The following PCDHGA3 variants were observed in gnomAD, a reference collection of about 807,000 sequenced individuals.
PCDHGA3 encodes protocadherin gamma subfamily A, 3.
A neutral mutation model predicts 58.5 loss-of-function variants in PCDHGA3; 40 were observed. The observed-to-expected ratio is 0.68, with a 90% CI of 0.53 to 0.89. PCDHGA3 has a LOEUF of 0.89. Among genes scored for constraint, PCDHGA3 ranks in the 40% least tolerant of loss-of-function variants. PCDHGA3 has a pLI of 0.00. For synonymous variants in PCDHGA3, 530 were observed against 525.7 expected, an observed-to-expected ratio of 1.01 and a Z score of -0.11; for missense variants, 1,223 against 1,195.9, an observed-to-expected ratio of 1.02 and a Z score of -0.33.
chr5:141,398,448 G>A lies in PCDHGA3; in HGVS notation c.2424+51991G>A, dbSNP rs1213915296. On this transcript the variant is annotated intron_variant, in intron 1 of 3. Coordinates refer to ENST00000253812, the MANE Select transcript of PCDHGA3 (RefSeq NM_018916.4). ...AGCCAGCTTGTGCTCTGGAATTTGAGGCTGTTGCTGAAAATCCACTGAACT... is the reference window on the plus strand; with the variant it reads ...AGCCAGCTTGTGCTCTGGAATTTGAAGCTGTTGCTGAAAATCCACTGAACT... 2.5e-6 allele frequency: 4 copies of A among 1,574,288 alleles called. No individual in the cohort carries two copies. In the Middle Eastern group the frequency reaches 5.2e-4, roughly 203 times the overall value.
intron 1 of PCDHGA3, chr5:141,361,144 A>G: frequency 6.2e-7 from 1 of 1,613,986 alleles, no homozygotes; most frequent in South Asian, 1.1e-5. Flanking sequence ...CCAAGTTGAA[A>G]TTCTTGATGA....
chr5:141,419,334 T>C (rs1260087339), intron 1 of PCDHGA3: 3 of 1,613,870 alleles, frequency 1.9e-6, no homozygotes, highest in Non-Finnish European at 8.5e-7. Flanking sequence ...TACTCTCTCA[T>C]TGCCAGCGAC....
intron 1 of PCDHGA3, among the ~76,000 whole-genome samples, chr5:141,348,225 G>A (rs6877775): frequency 0.14 from 21,501 of 152,124 alleles, 2,088 homozygotes; most frequent in African/African-American, 0.28. Context: ...ATTAGGAAAA[G>A]GCACATTTAA....
chr5:141,433,354 T>TCTGC, intron 1 of PCDHGA3: 2 of 602,322 alleles, frequency 3.3e-6, no homozygotes, highest in South Asian at 2.1e-5. Context: ...CCACCTACTG[T>TCTGC]CTGCCTATCT....
In PCDHGA3 at chr5:141,491,961, G is replaced by A. The variant is rs891299192; in HGVS notation, c.2425-2846G>A. 3 of 970,010 alleles carry A rather than the reference G, an allele frequency of 3.1e-6. No individual in the cohort carries two copies. The highest frequency in any genetic ancestry group is 4.3e-6 in the Non-Finnish European group (3 of 693,098). 60.1% of individuals were successfully genotyped at this position (970,010 alleles called of 1,614,324 possible). On this transcript the variant is annotated intron_variant, in intron 1 of 3. Transcript: ENST00000253812. This position sits in a 1 kb window ranked among gnomAD's most constrained non-coding sequence, Gnocchi z 6.9. ...GACCCCCACCCCTACACTCAAAAAAGGCCGGGGCCTCCTTCGAGCTTCCGG... is the reference window on the plus strand; with the variant it reads ...GACCCCCACCCCTACACTCAAAAAAAGCCGGGGCCTCCTTCGAGCTTCCGG...
At position 141,477,386 on chromosome 5, in the gene PCDHGA3, A is replaced by C; in HGVS notation, c.2425-17421A>C. 1 of 1,614,116 alleles carries C rather than the reference A, an allele frequency of 6.2e-7. No homozygotes were observed. Among genetic ancestry groups the C allele is most frequent in the South Asian group, 1.1e-5 (1 of 91,080 alleles). On this transcript the variant is annotated intron_variant, in intron 1 of 3. Coordinates refer to ENST00000253812, the MANE Select transcript of PCDHGA3 (RefSeq NM_018916.4). The surrounding 1 kb of genome is among the most constrained non-coding windows in gnomAD (Gnocchi z 4.9). ...GGATCGGGAGACTGTGCCAGAATAC[A>C]ACCTCAGCATCACCGCCCGAGACGC...
chr5:141,422,922 C>T (rs1244444241), intron 1 of PCDHGA3: 1 of 1,614,130 alleles, frequency 6.2e-7, no homozygotes, highest in Non-Finnish European at 8.5e-7. Flanking sequence ...AGATCCTGTA[C>T]CCTGCCCTCC....
In PCDHGA3 at chr5:141,362,588, G is replaced by T. The variant is rs79703171; in HGVS notation, c.2424+16131G>T. The T allele has an allele frequency of 1.7e-3, 2,783 of 1,592,322 alleles. 42 individuals carry two copies. In the African/African-American group the frequency reaches 0.031, roughly 18 times the overall value. On this transcript the variant is annotated intron_variant, in intron 1 of 3. Coordinates refer to ENST00000253812, the MANE Select transcript of PCDHGA3 (RefSeq NM_018916.4). ...TTTAATTAATTTATTTTCACTTCTG[G>T]TTTTATTGTTTCACCTAATTTGGGT...
chr5:141,347,570 T>A (rs1331675063), intron 1 of PCDHGA3, among the ~76,000 whole-genome samples: 1 of 152,094 alleles, frequency 6.6e-6, no homozygotes, highest in Non-Finnish European at 1.5e-5. Context: ...GTGGATCACT[T>A]GAAGTCAGGA....
intron 1 of PCDHGA3, chr5:141,421,770 G>A: frequency 6.2e-7 from 1 of 1,613,856 alleles, no homozygotes; most frequent in Non-Finnish European, 8.5e-7. Context: ...ACTTTTCCTT[G>A]CAACTGCGGG....
intron 1 of PCDHGA3, among the ~76,000 whole-genome samples, chr5:141,473,873 C>CA (rs1471085914): frequency 2.6e-5 from 4 of 152,130 alleles, no homozygotes; most frequent in African/African-American, 7.2e-5. Flanking sequence ...GTGGAGAATG[C>CA]ATACACAAGG....
intron 1 of PCDHGA3, chr5:141,383,890 G>T: frequency 1.2e-6 from 2 of 1,613,936 alleles, no homozygotes; most frequent in East Asian, 2.2e-5. Context: ...TCTGACAAAG[G>T]CAAAAGTACT....
In PCDHGA3 at chr5:141,512,267, G is replaced by C. The variant is rs2099884152; in HGVS notation, c.*1094G>C. On this transcript the variant is annotated 3_prime_UTR_variant, in exon 4 of 4. Coordinates refer to ENST00000253812, the MANE Select transcript of PCDHGA3 (RefSeq NM_018916.4). ...GCCTCTGTGGGTGCTGGGTACTCCA[G>C]AGGTGCCACTGGTGGAAGGGTCAGC... 2.6e-5 allele frequency: 4 copies of C among 152,744 alleles called. No homozygotes were observed. Among genetic ancestry groups the C allele is most frequent in the Admixed American group, 2.6e-4 (4 of 15,290 alleles). 9.5% of individuals were successfully genotyped at this position (152,744 alleles called of 1,614,324 possible). A position where few individuals can be genotyped will look rare whatever the true frequency, so the allele number is the denominator to read the frequency against.
At chr5:141,404,231 A>G (rs1403622769) in intron 1 of PCDHGA3, 1 of 1,613,928 alleles carries the variant, frequency 6.2e-7, no homozygotes, top group Non-Finnish European at 8.5e-7. Context: ...TGCAACAGAC[A>G]GAGGAACTCC....
chr5:141,359,582 T>A (rs936451476), intron 1 of PCDHGA3, among the ~76,000 whole-genome samples: 2 of 151,660 alleles, frequency 1.3e-5, no homozygotes, highest in African/African-American at 4.9e-5. Context: ...CTTTAAGATA[T>A]AACAACTAAA....
At position 141,486,837 on chromosome 5, in the gene PCDHGA3, T is replaced by G; in HGVS notation, c.2425-7970T>G. The G allele has an allele frequency of 6.2e-7, 1 of 1,614,256 alleles. No individual in the cohort carries two copies. The highest frequency in any genetic ancestry group is 8.5e-7 in the Non-Finnish European group (1 of 1,180,044). ...AGCACTGTAACAGTTCGTCTATTTG[T>G]GCTGGACCTCAATGACAATGCTCCA... On this transcript the variant is annotated intron_variant, in intron 1 of 3. Transcript: ENST00000253812. The surrounding 1 kb of genome is among the most constrained non-coding windows in gnomAD (Gnocchi z 5.0).
At chr5:141,371,220 G>T in intron 1 of PCDHGA3, 2 of 1,613,994 alleles carry the variant, frequency 1.2e-6, no homozygotes, top group Non-Finnish European at 1.7e-6. Flanking sequence ...CATCAATGCC[G>T]AAATCATCTA....
intron 1 of PCDHGA3, among the ~76,000 whole-genome samples, chr5:141,347,000 C>A (rs1241334235): frequency 6.7e-6 from 1 of 148,414 alleles, no homozygotes; most frequent in Non-Finnish European, 1.5e-5. Context: ...TTTTCTTTCT[C>A]CTTCCTTCCT....
chr5:141,357,485 A>C (rs1348753984), intron 1 of PCDHGA3: 9 of 1,614,044 alleles, frequency 5.6e-6, no homozygotes, highest in Non-Finnish European at 7.6e-6. Flanking sequence ...CTCACCGCGG[A>C]CTCGCGGAAG....
Sources: allele counts gnomAD v4.1 joint callset (sites outside exome capture counted in the v4.1 genomes callset), GRCh38; gene constraint gnomAD v4.1.1; non-coding constraint Gnocchi (gnomAD v3.1); transcripts MANE v1.5; gene names NCBI Gene and HGNC (gene_info 2026-07-23, HGNC 2026-07-21).